The following TBK1 variants were observed in gnomAD, a reference collection of about 807,000 sequenced individuals.
TBK1 encodes serine/threonine-protein kinase TBK1.
Under a neutral mutation model 99.9 loss-of-function variants are expected in TBK1, and 37 were observed. The observed-to-expected ratio is 0.37, with a 90% confidence interval of 0.28 to 0.49. TBK1 has a LOEUF of 0.49. Among genes scored for constraint, TBK1 ranks in the 20% least tolerant of loss-of-function variants. The pLI is 0.98. For missense variants in TBK1, 644 were observed against 872.5 expected (o/e 0.74, Z 3.30); for synonymous variants, 258 against 279.8 (o/e 0.92, Z 0.78).
chr12:64,486,146 G>C (rs377691471), intron 11 of TBK1, 129 bp downstream of exon 11: 9 of 556,410 alleles, frequency 1.6e-5, no homozygotes, highest in African/African-American at 9.8e-5. Flanking sequence ...TTCACATTTA[G>C]TTTATAAAAC....
chr12:64,481,397 A>G (rs1452930048), intron 7 of TBK1, among the ~76,000 whole-genome samples: 2 of 152,174 alleles, frequency 1.3e-5, no homozygotes, highest in East Asian at 1.9e-4. Flanking sequence ...AGTATATTAT[A>G]TAATTTTTTT....
chr12:64,496,808 A>G, intron 16 of TBK1, 141 bp from the exon 17 acceptor site: 2 of 608,850 alleles, frequency 3.3e-6, no homozygotes, highest in Non-Finnish European at 5.7e-6. Flanking sequence ...TATCTTAGAA[A>G]CGTTTACTTT....
rs750174433 is a variant in TBK1 at position 64,497,625 on chromosome 12, T to TC, written c.1960-23_1960-22insC. On this transcript the variant is annotated intron_variant, in intron 18 of 20. Coordinates refer to ENST00000331710, the MANE Select transcript of TBK1 (RefSeq NM_013254.4). ...TGATTAATGTGGGGTTTTTTTCTTT[T>TC]TTTTTTTTTTTTGATGTTTCAGTTA... 3.4e-5 allele frequency: 47 copies of TC among 1,381,934 alleles called. No homozygotes were observed. In the South Asian group the frequency reaches 6.0e-4, roughly 18 times the overall value. 85.6% of individuals were successfully genotyped at this position (1,381,934 alleles called of 1,614,324 possible). A position where few individuals can be genotyped will look rare whatever the true frequency, so the allele number is the denominator to read the frequency against.
intron 7 of TBK1, among the ~76,000 whole-genome samples, chr12:64,480,457 A>G (rs912415178): frequency 6.6e-6 from 1 of 152,206 alleles, no homozygotes; most frequent in Non-Finnish European, 1.5e-5. Context: ...GATAACAAAT[A>G]GTGGATTAGA....
At chr12:64,498,744 T>G (rs1233519204) in intron 20 of TBK1, among the ~76,000 whole-genome samples, 1 of 152,118 alleles carries the variant, frequency 6.6e-6, no homozygotes, top group Non-Finnish European at 1.5e-5. Context: ...TTGCCTGAGC[T>G]CTGGAGTTCA....
Position 64,484,564 on chromosome 12 carries a change from A to C in TBK1, c.1189+65A>C, listed in dbSNP as rs1323850276. 2.0e-6 allele frequency: 3 copies of C among 1,477,410 alleles called. No homozygotes were observed. The Admixed American group carries it at 6.5e-5, about 32-fold the overall frequency. The allele number at this position is 1,477,410 out of a possible 1,614,324, so 91.5% of individuals were successfully genotyped here. A position where few individuals can be genotyped will look rare whatever the true frequency, so the allele number is the denominator to read the frequency against. ...GAAAAATACAGCCAGCCTGGGCAAC[A>C]TAGTGAGACCTTGTCTCTACAAAAA... On this transcript the variant is annotated intron_variant, in intron 9 of 20. Transcript: ENST00000331710.
chr12:64,475,685 G>C (rs1325524835), intron 6 of TBK1, among the ~76,000 whole-genome samples: 1 of 152,148 alleles, frequency 6.6e-6, no homozygotes, highest in Non-Finnish European at 1.5e-5. Context: ...TTGCTGCAAA[G>C]GATATGATTT....
chr12:64,494,420 C>T (rs903682062), intron 13 of TBK1, among the ~76,000 whole-genome samples: 4 of 152,040 alleles, frequency 2.6e-5, no homozygotes, highest in East Asian at 1.9e-4. Context: ...GCAGAGGTTG[C>T]GGGAGCTGAG....
intron 5 of TBK1, among the ~76,000 whole-genome samples, chr12:64,472,868 A>G (rs951929473): frequency 1.3e-5 from 2 of 152,212 alleles, no homozygotes; most frequent in African/African-American, 2.4e-5. Context: ...CCTGGGCTAC[A>G]TGTGGCCCAC....
chr12:64,471,730 T>G (rs1485737801), intron 5 of TBK1, among the ~76,000 whole-genome samples: 1 of 152,190 alleles, frequency 6.6e-6, no homozygotes, highest in Admixed American at 6.5e-5. Flanking sequence ...TTTATCCTTA[T>G]GCTCTTCTTC....
chr12:64,493,779 C>T lies in TBK1; in HGVS notation c.1522-1704C>T, dbSNP rs78427520. On this transcript the variant is annotated intron_variant, in intron 13 of 20. Coordinates refer to ENST00000331710, the MANE Select transcript of TBK1 (RefSeq NM_013254.4). The stretch of plus-strand genomic sequence containing the variant: ...CCAGCAAAGGCCCTTTTTAATAAGC[C>T]TTCCAGGTGATTCTCATGCTGCTAA... 1.2e-3 allele frequency among the ~76,000 whole-genome samples: 189 copies of T among 152,332 alleles called. 5 individuals are homozygous for T. The East Asian group carries it at 0.03, about 25-fold the overall frequency.
At chr12:64,468,867 C>G (rs968723233) in intron 5 of TBK1, among the ~76,000 whole-genome samples, 2 of 152,134 alleles carry the variant, frequency 1.3e-5, no homozygotes, top group Non-Finnish European at 2.9e-5. Context: ...TTCCCTGGCC[C>G]TGTGAAAGCT....
At chr12:64,477,701 G>C (rs2040728340) in intron 6 of TBK1, among the ~76,000 whole-genome samples, 1 of 152,158 alleles carries the variant, frequency 6.6e-6, no homozygotes, top group Non-Finnish European at 1.5e-5. Context: ...AATAGGAGTG[G>C]TGAGAGTGGG....
chr12:64,465,540 A>G (rs1176897813), intron 4 of TBK1, among the ~76,000 whole-genome samples: 6 of 152,236 alleles, frequency 3.9e-5, no homozygotes, highest in Admixed American at 6.5e-5. Context: ...ATGTCCATCA[A>G]CTGATGAACA....
At chr12:64,477,080 A>G (rs2040721600) in intron 6 of TBK1, among the ~76,000 whole-genome samples, 1 of 152,152 alleles carries the variant, frequency 6.6e-6, no homozygotes, top group Admixed American at 6.5e-5. Context: ...GCTCTGCAGT[A>G]TAGTTTGAAG....
At chr12:64,454,271 G>A (rs1256838407) in intron 1 of TBK1, among the ~76,000 whole-genome samples, 1 of 152,168 alleles carries the variant, frequency 6.6e-6, no homozygotes, top group Non-Finnish European at 1.5e-5. Context: ...TTTTGAGATG[G>A]AGTCTCGCTC....
chr12:64,495,773 G>C lies in TBK1; in HGVS notation c.1718G>C (p.Arg573Pro). Residue 573 changes from arginine to proline, a missense_variant and splice_region_variant, in exon 15 of 21, where the codon CGT becomes CCT. By Grantham distance (103) the Arg-to-Pro change is moderately radical. Coordinates refer to ENST00000331710, the MANE Select transcript of TBK1 (RefSeq NM_013254.4). ...CAGTTCAAAAAAGACAAAGCAGAAC[G>C]TAGTAAGTAAAATTTGCTATTTGTT... ...YYQFKKDKAE[R>P]RLAYNEEQIH... 6.4e-7 allele frequency: 1 copy of C among 1,568,124 alleles called. No homozygotes were observed. Among genetic ancestry groups the C allele is most frequent in the Non-Finnish European group, 8.6e-7 (1 of 1,161,838 alleles).
chr12:64,490,138 A>C lies in TBK1; in HGVS notation c.1521+19A>C. 6.4e-7 allele frequency: 1 copy of C among 1,568,848 alleles called. No individual in the cohort carries two copies. The highest frequency in any genetic ancestry group is 2.3e-5 in the East Asian group (1 of 44,420). The stretch of plus-strand genomic sequence containing the variant: ...GTTGAGAGTAAGTGTTTACAAAATT[A>C]CGAAATTTGTAAGCTCATAACCTAT... On this transcript the variant is annotated intron_variant, in intron 13 of 20. Coordinates refer to ENST00000331710, the MANE Select transcript of TBK1 (RefSeq NM_013254.4).
intron 19 of TBK1, 65 bp downstream of exon 19, chr12:64,497,819 G>T: frequency 6.9e-7 from 1 of 1,456,522 alleles, no homozygotes; most frequent in Admixed American, 2.0e-5. Flanking sequence ...TTGTGCTTTT[G>T]CTCTTACATT....
Sources: allele counts gnomAD v4.1 joint callset (sites outside exome capture counted in the v4.1 genomes callset), GRCh38; gene constraint gnomAD v4.1.1; transcripts MANE v1.5; gene names NCBI Gene and HGNC (gene_info 2026-07-23, HGNC 2026-07-21).